The following IFRD1 variants were observed in gnomAD, a reference collection of about 807,000 sequenced individuals.
IFRD1 encodes the protein interferon-related developmental regulator 1.
A neutral mutation model predicts 52.9 loss-of-function variants in IFRD1; 35 were observed. The observed-to-expected ratio is 0.66, with a 90% confidence interval of 0.51 to 0.88. The LOEUF is 0.88. Among genes scored for constraint, IFRD1 ranks in the 40% least tolerant of loss-of-function variants. The probability of loss-of-function intolerance (pLI) is 0.00; values close to 1 mark genes in which losing one functional copy is unlikely to be tolerated. For missense variants in IFRD1, 517 were observed against 550.8 expected (o/e 0.94, Z 0.61); for synonymous variants, 184 against 188.4 (o/e 0.98, Z 0.19).
chr7:112,427,793 C>T (rs1237116209), intron 1 of IFRD1, among the ~76,000 whole-genome samples: 1 of 152,178 alleles, frequency 6.6e-6, no homozygotes, highest in Admixed American at 6.5e-5. Context: ...TCAAAAATAT[C>T]TAGTGAGACC....
chr7:112,444,383 C>G (rs1190350569), intron 1 of IFRD1, among the ~76,000 whole-genome samples: 2 of 152,176 alleles, frequency 1.3e-5, no homozygotes, highest in Admixed American at 1.3e-4. Flanking sequence ...AGAGTTCTAA[C>G]TAAATTTGCC....
At chr7:112,445,559 T>A (rs535658082), upstream of IFRD1, among the ~76,000 whole-genome samples, 2 of 152,346 alleles carry the variant, frequency 1.3e-5, no homozygotes, top group South Asian at 4.1e-4. Flanking sequence ...TTGCAATAAA[T>A]GTTAGCCTCA....
intron 1 of IFRD1, among the ~76,000 whole-genome samples, chr7:112,427,389 G>C (rs939329701): frequency 2.6e-5 from 4 of 152,170 alleles, no homozygotes; most frequent in African/African-American, 9.7e-5. Context: ...AGCATGTTGA[G>C]GACAGCAGTG....
chr7:112,445,251 A>G (rs1218979794), intron 1 of IFRD1, among the ~76,000 whole-genome samples: 1 of 151,842 alleles, frequency 6.6e-6, no homozygotes, highest in Non-Finnish European at 1.5e-5. Flanking sequence ...TATTTTTAGT[A>G]GAGACGGGGT....
chr7:112,468,309 T>G (rs1442573148), intron 9 of IFRD1, among the ~76,000 whole-genome samples, 194 bp downstream of exon 9: 2 of 152,106 alleles, frequency 1.3e-5, no homozygotes, highest in Admixed American at 6.6e-5. Context: ...AATGCTGGTG[T>G]ATAAAGATAC....
chr7:112,474,650 A>G (rs1039900695), intron 11 of IFRD1, among the ~76,000 whole-genome samples: 5 of 152,208 alleles, frequency 3.3e-5, no homozygotes, highest in African/African-American at 1.2e-4. Flanking sequence ...ATTGGAGACG[A>G]TATTTAAATT....
chr7:112,427,902 A>G (rs1286373203), intron 1 of IFRD1, among the ~76,000 whole-genome samples: 4 of 152,198 alleles, frequency 2.6e-5, no homozygotes, highest in Admixed American at 2.6e-4. Flanking sequence ...GGCAGCTATA[A>G]ACAGGTCCTT....
chr7:112,424,584 T>C (rs1445896471), intron 1 of IFRD1, among the ~76,000 whole-genome samples: 2 of 151,894 alleles, frequency 1.3e-5, no homozygotes, highest in Non-Finnish European at 2.9e-5. Flanking sequence ...CAGCTAAGTT[T>C]TGTATTTTTA....
At chr7:112,463,853 T>C (rs868588898) in intron 8 of IFRD1, among the ~76,000 whole-genome samples, 98 of 43,456 alleles carry the variant, frequency 2.3e-3, no homozygotes, top group African/African-American at 0.021. Flanking sequence ...CACATTTATA[T>C]ACACACACAC....
intron 2 of IFRD1, 28 bp downstream of exon 2, chr7:112,455,895 C>A (rs1292548403): frequency 1.3e-5 from 20 of 1,532,988 alleles, no homozygotes; most frequent in Non-Finnish European, 1.8e-5. Flanking sequence ...AAATTTGCAA[C>A]TTTAGATAAA....
At chr7:112,457,827 A>G (rs1795333739) in intron 4 of IFRD1, 1 of 152,244 alleles carries the variant, frequency 6.6e-6, no homozygotes, top group Non-Finnish European at 1.5e-5. Context: ...AAAATATTAT[A>G]GCACCAAAAA....
At chr7:112,461,809 T>C (rs1449614575) in intron 5 of IFRD1, 57 bp from the exon 6 acceptor site, 5 of 929,712 alleles carry the variant, frequency 5.4e-6, no homozygotes, top group African/African-American at 5.1e-5. Context: ...CAGGAAGATG[T>C]AGAATTAATA....
At chr7:112,470,109 C>T (rs1304265705) in intron 9 of IFRD1, among the ~76,000 whole-genome samples, 3 of 152,146 alleles carry the variant, frequency 2.0e-5, no homozygotes, top group Non-Finnish European at 4.4e-5. Flanking sequence ...TTTCTTGAGG[C>T]TCACGGATTC....
chr7:112,441,145 T>TGC (rs1563259672), intron 1 of IFRD1, among the ~76,000 whole-genome samples: 3 of 151,846 alleles, frequency 2.0e-5, no homozygotes, highest in African/African-American at 4.8e-5. Context: ...GTTCGTGGTG[T>TGC]GCGCCTGTAA....
At position 112,477,124 on chromosome 7, in the gene IFRD1, T is replaced by G. The variant is rs1459506142; in HGVS notation, c.*1605T>G. 1.3e-5 allele frequency: 2 copies of G among 152,238 alleles called. No homozygotes were observed. The highest frequency in any genetic ancestry group is 2.9e-5 in the Non-Finnish European group (2 of 68,032). 9.4% of individuals were successfully genotyped at this position (152,238 alleles called of 1,614,324 possible). ...AGAGATTGCAAATGGTAGTTTCTTC[T>G]AGATATTCAAATGCATATATGTATG... On this transcript the variant is annotated 3_prime_UTR_variant, in exon 12 of 12. Transcript: ENST00000403825.
chr7:112,444,777 A>C (rs1345703067), intron 1 of IFRD1, among the ~76,000 whole-genome samples: 2 of 152,158 alleles, frequency 1.3e-5, no homozygotes, highest in African/African-American at 4.8e-5. Context: ...AAAAAGCAAC[A>C]GTGACACTGG....
At chr7:112,475,372 G>T in intron 11 of IFRD1, 58 bp from the exon 12 acceptor site, 1 of 968,132 alleles carries the variant, frequency 1.0e-6, no homozygotes, top group South Asian at 1.4e-5. Context: ...CCCTTTTTCT[G>T]TTTTGTAAGA....
intron 8 of IFRD1, among the ~76,000 whole-genome samples, chr7:112,466,481 T>C (rs772116492): frequency 1.9e-4 from 29 of 152,086 alleles, no homozygotes; most frequent in Non-Finnish European, 1.8e-4. Flanking sequence ...GGCTGTCTTG[T>C]GCATTGAAAG....
At chr7:112,468,844 C>G (rs779922434) in intron 9 of IFRD1, among the ~76,000 whole-genome samples, 37 of 152,170 alleles carry the variant, frequency 2.4e-4, no homozygotes, top group Admixed American at 5.9e-4. Context: ...ACCGAAATAA[C>G]AAAACCCAGC....
Sources: allele counts gnomAD v4.1 joint callset (sites outside exome capture counted in the v4.1 genomes callset), GRCh38; gene constraint gnomAD v4.1.1; transcripts MANE v1.5; gene names NCBI Gene and HGNC (gene_info 2026-07-23, HGNC 2026-07-21).